Variants in KIAA1217 observed in about 807,000 individuals in gnomAD.
KIAA1217 encodes the protein KIAA1217, also known as sickle tail protein homolog.
In KIAA1217, 88 loss-of-function variants were observed where a neutral mutation model predicts 163.9. The ratio of observed to expected loss-of-function variants is 0.54; its 90% CI spans 0.45 to 0.64. The LOEUF is 0.64. Among genes scored for constraint, KIAA1217 ranks in the 30% least tolerant of loss-of-function variants. The pLI, the probability that KIAA1217 is intolerant of heterozygous loss-of-function variation, is 0.00. For missense variants in KIAA1217, 2,372 were observed against 2,475.0 expected, an observed-to-expected ratio of 0.96 and a Z score of 0.88; for synonymous variants, 903 against 923.1, an observed-to-expected ratio of 0.98 and a Z score of 0.39.
At chr10:24,177,991 A>G (rs2065990390) in intron 2 of KIAA1217, among the ~76,000 whole-genome samples, 2 of 152,224 alleles carry the variant, frequency 1.3e-5, no homozygotes, top group South Asian at 4.1e-4. Flanking sequence ...TTTCCTAAAT[A>G]TCAAATATAA....
chr10:24,365,220 G>T (rs901069625), intron 2 of KIAA1217, among the ~76,000 whole-genome samples: 1 of 152,098 alleles, frequency 6.6e-6, no homozygotes, highest in Non-Finnish European at 1.5e-5. Context: ...TCTGATGAGG[G>T]TCACCTAGCA....
At chr10:24,128,472 G>A (rs950837711) in intron 2 of KIAA1217, among the ~76,000 whole-genome samples, 8 of 152,172 alleles carry the variant, frequency 5.3e-5, no homozygotes, top group African/African-American at 1.9e-4. Context: ...AATGAATAGG[G>A]CTGGCTCCAG....
intron 2 of KIAA1217, among the ~76,000 whole-genome samples, chr10:24,154,489 G>A (rs1589699893): frequency 6.6e-6 from 1 of 152,160 alleles, no homozygotes; most frequent in African/African-American, 2.4e-5. Context: ...CTTATTGGAA[G>A]GATTAAATAA....
At chr10:23,776,355 TATA>T (rs766902320) in intron 1 of KIAA1217, among the ~76,000 whole-genome samples, 4 of 150,724 alleles carry the variant, frequency 2.7e-5, no homozygotes, top group Admixed American at 1.3e-4. Flanking sequence ...TATATATATA[TATA>T]TTTACAATTT....
intron 2 of KIAA1217, among the ~76,000 whole-genome samples, chr10:24,060,614 G>A (rs2060686082): frequency 1.3e-5 from 2 of 152,144 alleles, no homozygotes; most frequent in East Asian, 1.9e-4. Context: ...AGGCAACATA[G>A]CAAGACTCTG....
intron 3 of KIAA1217, among the ~76,000 whole-genome samples, chr10:24,394,185 T>C (rs1385369464): frequency 1.3e-5 from 2 of 152,220 alleles, no homozygotes; most frequent in Non-Finnish European, 2.9e-5. Flanking sequence ...TGGAAGTTGT[T>C]TGACATCTAA....
chr10:23,871,578 A>C (rs1564494468), intron 1 of KIAA1217, among the ~76,000 whole-genome samples: 1 of 151,650 alleles, frequency 6.6e-6, no homozygotes, highest in Non-Finnish European at 1.5e-5. Flanking sequence ...CTGAATGCTG[A>C]CTCTGTCACT....
At chr10:24,384,989 C>T (rs945915375) in intron 3 of KIAA1217, among the ~76,000 whole-genome samples, 9 of 152,186 alleles carry the variant, frequency 5.9e-5, no homozygotes, top group African/African-American at 2.2e-4. Flanking sequence ...CTGTTACTGC[C>T]AGCCCCCAGC....
chr10:23,766,454 A>G (rs1268190188), intron 1 of KIAA1217, among the ~76,000 whole-genome samples: 1 of 152,172 alleles, frequency 6.6e-6, no homozygotes, highest in Non-Finnish European at 1.5e-5. Flanking sequence ...TTTAACAAAT[A>G]TTTAGGTTTA....
At chr10:23,969,319 G>A (rs1296558745) in intron 1 of KIAA1217, among the ~76,000 whole-genome samples, 2 of 152,220 alleles carry the variant, frequency 1.3e-5, no homozygotes, top group Non-Finnish European at 2.9e-5. Flanking sequence ...ATAGGCATGA[G>A]CCACCGCGCC....
At chr10:24,163,767 T>C (rs1039895375) in intron 2 of KIAA1217, among the ~76,000 whole-genome samples, 1 of 152,196 alleles carries the variant, frequency 6.6e-6, no homozygotes, top group Non-Finnish European at 1.5e-5. Context: ...TTTGCATGGG[T>C]GGCAATTTGG....
chr10:24,426,800 T>C (rs1653354578), intron 3 of KIAA1217, among the ~76,000 whole-genome samples: 1 of 152,164 alleles, frequency 6.6e-6, no homozygotes, highest in Non-Finnish European at 1.5e-5. Flanking sequence ...TGGCGCAGCG[T>C]GTGGGATGAA....
chr10:24,270,615 A>G (rs932051132), intron 2 of KIAA1217, among the ~76,000 whole-genome samples: 2 of 152,136 alleles, frequency 1.3e-5, no homozygotes, highest in Non-Finnish European at 2.9e-5. Context: ...ATTTCAGCTC[A>G]CTGCAACCTC....
intron 1 of KIAA1217, among the ~76,000 whole-genome samples, chr10:23,887,805 C>T (rs1841247355): frequency 6.6e-6 from 1 of 151,892 alleles, no homozygotes. Context: ...CTGCAACCTC[C>T]ACCCCCAGAG....
chr10:23,961,131 A>T (rs1844802415), intron 1 of KIAA1217, among the ~76,000 whole-genome samples: 1 of 152,188 alleles, frequency 6.6e-6, no homozygotes, highest in Non-Finnish European at 1.5e-5. Context: ...GCCCCATAAA[A>T]ATGCAATTTC....
At chr10:23,856,943 C>T (rs1471304857) in intron 1 of KIAA1217, among the ~76,000 whole-genome samples, 3 of 152,238 alleles carry the variant, frequency 2.0e-5, no homozygotes, top group African/African-American at 7.2e-5. Context: ...AAAGGGAACT[C>T]CCTGACCCCT....
chr10:24,495,243 G>A (rs755893755), intron 8 of KIAA1217, 47 bp downstream of exon 8: 15 of 1,492,130 alleles, frequency 1.0e-5, no homozygotes, highest in Middle Eastern at 3.5e-4. Flanking sequence ...GGCTGCCTGG[G>A]ATGAGCCCTG....
chr10:24,390,713 A>C (rs144452407), intron 3 of KIAA1217, among the ~76,000 whole-genome samples: 1 of 152,202 alleles, frequency 6.6e-6, no homozygotes, highest in Non-Finnish European at 1.5e-5. Context: ...TTAAAAACCG[A>C]GTCAATCTTT....
At chr10:24,478,439 C>T (rs377759086) in intron 6 of KIAA1217, among the ~76,000 whole-genome samples, 1 of 152,144 alleles carries the variant, frequency 6.6e-6, no homozygotes, top group African/African-American at 2.4e-5. Context: ...ATCTGAAGAA[C>T]ACAGTGTCTA....
Sources: gnomAD v4.1 joint callset for allele counts (sites outside exome capture counted in the v4.1 genomes callset) on GRCh38, gnomAD v4.1.1 for gene constraint, MANE v1.5 for transcripts, NCBI Gene and HGNC (gene_info 2026-07-23, HGNC 2026-07-21) for gene names.